The following GPHN variants were observed in gnomAD, a reference collection of about 807,000 sequenced individuals.
GPHN encodes the protein gephyrin.
GPHN carries 17 observed loss-of-function variants against 95.5 expected under a neutral mutation model. The ratio of observed to expected loss-of-function variants is 0.18; its 90% confidence interval spans 0.12 to 0.27. The LOEUF (loss-of-function observed/expected upper bound fraction) is 0.27. Among genes scored for constraint, GPHN ranks in the 10% least tolerant of loss-of-function variants. The probability of loss-of-function intolerance (pLI) is 1.00; values close to 1 mark genes in which losing one functional copy is unlikely to be tolerated. For missense variants in GPHN, 660 were observed against 978.1 expected (o/e 0.67, Z 4.34); for synonymous variants, 320 against 322.5 (o/e 0.99, Z 0.08).
intron 8 of GPHN, among the ~76,000 whole-genome samples, chr14:66,953,676 A>G (rs896504476): frequency 2.0e-5 from 3 of 152,148 alleles, no homozygotes; most frequent in African/African-American, 4.8e-5. Flanking sequence ...TATTCCATTA[A>G]CCTATGTTTG....
chr14:67,252,359 T>C, the GPHN span, among the ~76,000 whole-genome samples: 3 of 152,160 alleles, frequency 2.0e-5, no homozygotes, highest in Admixed American at 6.5e-5. Context: ...CTTGCTGAGC[T>C]GCCCAGGCTG....
At chr14:67,383,483 G>A in the GPHN span, 5 of 1,607,156 alleles carry the variant, frequency 3.1e-6, no homozygotes, top group East Asian at 2.2e-5. Flanking sequence ...ACAGAGCAGC[G>A]CTTCCTGGCT....
chr14:66,543,096 G>A (rs1468659709), intron 1 of GPHN, among the ~76,000 whole-genome samples: 2 of 152,128 alleles, frequency 1.3e-5, no homozygotes, highest in African/African-American at 4.8e-5. Flanking sequence ...TTACAACTCT[G>A]TCAGTATACA....
In GPHN at chr14:66,544,864, G is replaced by C. The variant is rs967738258; in HGVS notation, c.64+36273G>C. Reference sequence around the variant, plus strand: ...CACCGCCCTTAATCCATTTAACCCTGAGTGGACACAGCACATGTTTCAGAG... The same window carrying C: ...CACCGCCCTTAATCCATTTAACCCTCAGTGGACACAGCACATGTTTCAGAG... On this transcript the variant is annotated intron_variant, in intron 1 of 22. Coordinates refer to ENST00000478722, the MANE Select transcript of GPHN (RefSeq NM_020806.5). Among the ~76,000 whole-genome samples, 4 of 151,986 alleles carry C rather than the reference G, an allele frequency of 2.6e-5. No individual in the cohort carries two copies. The East Asian group carries it at 7.7e-4, about 29-fold the overall frequency.
At chr14:66,792,165 C>T (rs773411011) in intron 3 of GPHN, among the ~76,000 whole-genome samples, 12 of 152,042 alleles carry the variant, frequency 7.9e-5, no homozygotes, top group Middle Eastern at 3.2e-3. Flanking sequence ...TAGCTAGACT[C>T]TATCAGTAAG....
the GPHN span, among the ~76,000 whole-genome samples, chr14:67,193,862 T>C: frequency 6.8e-6 from 1 of 147,238 alleles, no homozygotes; most frequent in African/African-American, 2.5e-5. Context: ...AGAGGATCAC[T>C]TGGGCTGGGG....
At chr14:66,961,993 A>G (rs965750353) in intron 8 of GPHN, among the ~76,000 whole-genome samples, 3 of 141,044 alleles carry the variant, frequency 2.1e-5, no homozygotes, top group African/African-American at 7.6e-5. Flanking sequence ...CATAACACCC[A>G]TGGGTTCACA....
chr14:66,577,073 TTTAA>T (rs2060936284), intron 1 of GPHN, among the ~76,000 whole-genome samples: 1 of 152,124 alleles, frequency 6.6e-6, no homozygotes, highest in Non-Finnish European at 1.5e-5. Flanking sequence ...TTCATTTCAG[TTTAA>T]TTGCCTAGGA....
the GPHN span, among the ~76,000 whole-genome samples, chr14:67,465,361 C>T: frequency 3.1e-5 from 4 of 128,760 alleles, no homozygotes; most frequent in Non-Finnish European, 5.6e-5. Flanking sequence ...ACAAGTCAGT[C>T]TCCCTGGATG....
chr14:66,603,864 CT>C (rs1305915704), intron 1 of GPHN, among the ~76,000 whole-genome samples: 1 of 151,872 alleles, frequency 6.6e-6, no homozygotes, highest in African/African-American at 2.4e-5. Context: ...ACTGATATTT[CT>C]TCACATTTAA....
chr14:67,401,842 A>T, the GPHN span, among the ~76,000 whole-genome samples: 1 of 152,072 alleles, frequency 6.6e-6, no homozygotes, highest in Non-Finnish European at 1.5e-5. Flanking sequence ...ATACAAATAC[A>T]GGCCGGCGCG....
Position 66,995,968 on chromosome 14 carries a change from T to G in GPHN, c.964-27665T>G, listed in dbSNP as rs866374375. On this transcript the variant is annotated intron_variant, in intron 9 of 22. Coordinates refer to ENST00000478722, the MANE Select transcript of GPHN (RefSeq NM_020806.5). ...CAGAGGGAGTCATCTCCATCATGGATTTTTTTTTAGCAAGGTATTTTTTGT... is the reference window on the plus strand; with the variant it reads ...CAGAGGGAGTCATCTCCATCATGGAGTTTTTTTTAGCAAGGTATTTTTTGT... Among the ~76,000 whole-genome samples the G allele has an allele frequency of 4.3e-3, 342 of 78,906 alleles. No individual in the cohort carries two copies. The African/African-American group carries it at 0.072, about 17-fold the overall frequency. The allele number at this position is 78,906 out of a possible 152,430, so 51.8% of individuals were successfully genotyped here. A position where few individuals can be genotyped will look rare whatever the true frequency, so the allele number is the denominator to read the frequency against.
chr14:66,984,865 CT>C (rs935594595), intron 9 of GPHN, among the ~76,000 whole-genome samples: 3 of 151,534 alleles, frequency 2.0e-5, no homozygotes, highest in African/African-American at 7.3e-5. Flanking sequence ...TTTTTATTGC[CT>C]CCCTCTTTAT....
the GPHN span, chr14:67,350,548 A>C: frequency 7.1e-7 from 1 of 1,412,742 alleles, no homozygotes. Context: ...ATGCTTTTTA[A>C]ATGAAATTAT....
chr14:67,726,140 G>A, the GPHN span: 1 of 1,608,592 alleles, frequency 6.2e-7, no homozygotes, highest in East Asian at 2.2e-5. Flanking sequence ...AACCCACCTG[G>A]GAGTCAACCA....
chr14:67,562,664 G>A, the GPHN span: 10 of 1,612,682 alleles, frequency 6.2e-6, no homozygotes, highest in South Asian at 7.7e-5. Flanking sequence ...CTTTGGCCGT[G>A]TGGTGAACAT....
chr14:67,509,787 G>T, the GPHN span, among the ~76,000 whole-genome samples: 4 of 152,032 alleles, frequency 2.6e-5, 1 homozygote. Context: ...CAGGAGGATT[G>T]CTTGAGGCCA....
chr14:66,760,226 C>T (rs56141220), intron 2 of GPHN, among the ~76,000 whole-genome samples: 10,925 of 152,170 alleles, frequency 0.072, 579 homozygotes, highest in Non-Finnish European at 0.11. Context: ...ATAATAAGTT[C>T]TCAGTGAATA....
the GPHN span, chr14:67,599,996 G>A: frequency 6.5e-7 from 1 of 1,531,058 alleles, no homozygotes; most frequent in Non-Finnish European, 8.8e-7. Flanking sequence ...CCTCCTTCGA[G>A]CGCGGGGAGG....
Sources: gnomAD v4.1 joint callset for allele counts (sites outside exome capture counted in the v4.1 genomes callset) on GRCh38, gnomAD v4.1.1 for gene constraint, MANE v1.5 for transcripts, NCBI Gene and HGNC (gene_info 2026-07-23, HGNC 2026-07-21) for gene names.